Variants in FAM193A observed in about 807,000 individuals in gnomAD.
FAM193A encodes the protein protein FAM193A.
Under a neutral mutation model 126.5 loss-of-function variants are expected in FAM193A, and 22 were observed. The ratio of observed to expected loss-of-function variants is 0.17; its 90% CI spans 0.12 to 0.25. The LOEUF is 0.25. FAM193A is among the 10% of genes least tolerant of loss of function. FAM193A has a pLI of 1.00. For synonymous variants in FAM193A, 761 were observed against 646.8 expected (o/e 1.18, Z -2.68); for missense variants, 1,675 against 1,672.8 (o/e 1.00, Z -0.02).
intron 13 of FAM193A, among the ~76,000 whole-genome samples, chr4:2,677,618 G>C (rs1714565992): frequency 6.6e-6 from 1 of 151,782 alleles, no homozygotes; most frequent in Admixed American, 6.6e-5. Context: ...GCACGTGCCT[G>C]TAGTCCCAGT....
In FAM193A at chr4:2,702,104, A is replaced by G. The variant is rs745825006; in HGVS notation, c.4372+1560A>G. On this transcript the variant is annotated intron_variant, in intron 19 of 20. Coordinates refer to ENST00000637812, the MANE Select transcript of FAM193A (RefSeq NM_001366318.2). ...TGAATTTTCTAATATTATTCTTTCT[A>G]TATTTGTTACTTGCCATTCAACTGT... Among the ~76,000 whole-genome samples, 5 of 152,036 alleles carry G rather than the reference A, an allele frequency of 3.3e-5. No individual in the cohort carries two copies. The South Asian group carries it at 6.2e-4, about 19-fold the overall frequency.
At chr4:2,666,815 C>A (rs1440585633) in intron 12 of FAM193A, among the ~76,000 whole-genome samples, 20 of 152,156 alleles carry the variant, frequency 1.3e-4, no homozygotes, top group Admixed American at 1.3e-3. Context: ...CTGTTATAAT[C>A]CTTTTTAATT....
intron 12 of FAM193A, among the ~76,000 whole-genome samples, chr4:2,666,541 G>A (rs1713137456): frequency 6.6e-6 from 1 of 152,146 alleles, no homozygotes; most frequent in Non-Finnish European, 1.5e-5. Flanking sequence ...GATGAGTTAG[G>A]AAATGTTTTT....
At chr4:2,696,727 T>C (rs1440286606) in intron 18 of FAM193A, 134 bp downstream of exon 18, 5 of 647,810 alleles carry the variant, frequency 7.7e-6, no homozygotes, top group Non-Finnish European at 1.3e-5. Flanking sequence ...CCCACAACTT[T>C]GTTCTGAGAG....
chr4:2,678,191 A>G (rs1342848168), intron 13 of FAM193A, among the ~76,000 whole-genome samples: 1 of 151,902 alleles, frequency 6.6e-6, no homozygotes. Flanking sequence ...TCACTGTGTT[A>G]GCCAGGATGG....
intron 13 of FAM193A, among the ~76,000 whole-genome samples, chr4:2,678,289 T>C (rs1714668075): frequency 6.6e-6 from 1 of 151,842 alleles, no homozygotes; most frequent in African/African-American, 2.4e-5. Context: ...TGGCCTGTTT[T>C]GTAGTTTTTA....
At chr4:2,560,755 G>A (rs1472581758) in intron 1 of FAM193A, among the ~76,000 whole-genome samples, 1 of 152,110 alleles carries the variant, frequency 6.6e-6, no homozygotes, top group Non-Finnish European at 1.5e-5. Context: ...CACTTCTGTT[G>A]GGTTATTTTC....
In FAM193A at chr4:2,552,299, C is replaced by T. The variant is rs564376980; in HGVS notation, c.255+15129C>T. Among the ~76,000 whole-genome samples, 4 of 87,762 alleles carry T rather than the reference C, an allele frequency of 4.6e-5. No homozygotes were observed. The East Asian group carries it at 1.4e-3, about 31-fold the overall frequency. The allele number at this position is 87,762 out of a possible 152,430, so 57.6% of individuals were successfully genotyped here. A position where few individuals can be genotyped will look rare whatever the true frequency, so the allele number is the denominator to read the frequency against. ...GTGCTGGGATTACAGGCGTGAGCCACCGCGCCCGGCTGATTTTTTTTTGGT... is the reference window on the plus strand; with the variant it reads ...GTGCTGGGATTACAGGCGTGAGCCATCGCGCCCGGCTGATTTTTTTTTGGT... On this transcript the variant is annotated intron_variant, in intron 1 of 20. Transcript: ENST00000637812.
At chr4:2,714,906 C>G (rs1331949302) in intron 19 of FAM193A, among the ~76,000 whole-genome samples, 1 of 152,136 alleles carries the variant, frequency 6.6e-6, no homozygotes, top group Non-Finnish European at 1.5e-5. Flanking sequence ...GCACTGCACC[C>G]CCCCAACCCC....
At chr4:2,656,986 G>A (rs1029147111) in intron 7 of FAM193A, among the ~76,000 whole-genome samples, 4 of 152,144 alleles carry the variant, frequency 2.6e-5, no homozygotes, top group African/African-American at 9.6e-5. Flanking sequence ...GGCCAACATG[G>A]TGAAACACCG....
chr4:2,607,742 T>C, intron 2 of FAM193A: 1 of 416,202 alleles, frequency 2.4e-6, no homozygotes, highest in South Asian at 3.7e-5. Flanking sequence ...GGCTCTAGGC[T>C]ATGCTGGACC....
intron 1 of FAM193A, among the ~76,000 whole-genome samples, chr4:2,549,486 TC>T (rs1737775632): frequency 7.6e-6 from 1 of 131,176 alleles, no homozygotes; most frequent in African/African-American, 2.9e-5. Flanking sequence ...AAGCTCCGCC[TC>T]CCGGGTTCAC....
At chr4:2,712,646 ATCT>A (rs1236986066) in intron 19 of FAM193A, among the ~76,000 whole-genome samples, 1 of 152,122 alleles carries the variant, frequency 6.6e-6, no homozygotes, top group Non-Finnish European at 1.5e-5. Context: ...CAAATTGAAA[ATCT>A]TCTTTTCAGT....
chr4:2,663,666 G>T (rs1712753987), intron 12 of FAM193A, among the ~76,000 whole-genome samples: 1 of 152,136 alleles, frequency 6.6e-6, no homozygotes, highest in African/African-American at 2.4e-5. Flanking sequence ...TTCATAAATA[G>T]ATGCTTAAAC....
At chr4:2,695,801 G>A (rs1720439434) in intron 17 of FAM193A, among the ~76,000 whole-genome samples, 1 of 152,146 alleles carries the variant, frequency 6.6e-6, no homozygotes, top group African/African-American at 2.4e-5. Context: ...AAGCATAGTG[G>A]CTTATGCCTG....
intron 1 of FAM193A, among the ~76,000 whole-genome samples, chr4:2,543,009 AT>A (rs1332358996): frequency 6.6e-6 from 1 of 152,036 alleles, no homozygotes; most frequent in Non-Finnish European, 1.5e-5. Flanking sequence ...CAGAATTCTT[AT>A]ACACAAAGCT....
upstream of FAM193A, among the ~76,000 whole-genome samples, chr4:2,535,939 C>A (rs532597216): frequency 2.6e-5 from 4 of 152,270 alleles, no homozygotes; most frequent in East Asian, 7.7e-4. Flanking sequence ...CGCACCCAGG[C>A]GGACCCCACC....
At chr4:2,710,109 T>C (rs1718744303) in intron 19 of FAM193A, among the ~76,000 whole-genome samples, 1 of 151,902 alleles carries the variant, frequency 6.6e-6, no homozygotes, top group South Asian at 2.1e-4. Flanking sequence ...TGTATTTTGT[T>C]AGTTTTTTAA....
In FAM193A at chr4:2,585,649, G is replaced by C. The variant is rs892681793; in HGVS notation, c.256-10435G>C. 3.3e-5 allele frequency among the ~76,000 whole-genome samples: 5 copies of C among 151,794 alleles called. No homozygotes were observed. In the East Asian group the frequency reaches 9.7e-4, roughly 29 times the overall value. On this transcript the variant is annotated intron_variant, in intron 1 of 20. Transcript: ENST00000637812. ...AATAGAAGTTTTAAATTTTAGGCTG[G>C]GCATGGTGGTTCATGCCTGTAATCC... is the stretch of plus-strand genomic sequence containing the variant.
Sources: gnomAD v4.1 joint callset for allele counts (sites outside exome capture counted in the v4.1 genomes callset) on GRCh38, gnomAD v4.1.1 for gene constraint, MANE v1.5 for transcripts, NCBI Gene and HGNC (gene_info 2026-07-23, HGNC 2026-07-21) for gene names.